Variants in IZUMO2 observed in about 807,000 individuals in gnomAD.
IZUMO2 encodes IZUMO family member 2.
A neutral mutation model predicts 31.2 loss-of-function variants in IZUMO2; 24 were observed. The observed-to-expected ratio is 0.77, with a 90% CI of 0.56 to 1.08. The LOEUF (loss-of-function observed/expected upper bound fraction) is 1.08. IZUMO2 is among the 50% of genes least tolerant of loss of function. IZUMO2 has a pLI of 0.00. For missense variants in IZUMO2, 278 were observed against 274.0 expected (o/e 1.01, Z -0.10); for synonymous variants, 144 against 117.3 (o/e 1.23, Z -1.47).
rs570421316 is a variant in IZUMO2 at position 50,154,574 on chromosome 19, C to T, written c.623+26G>A. 3 of 1,612,930 alleles carry T rather than the reference C, an allele frequency of 1.9e-6. No individual in the cohort carries two copies. In the African/African-American group the frequency reaches 4.0e-5, roughly 22 times the overall value. ...GGGGCCCAGTGGGTTCCACGGGGGA[C>T]TGAGGAGGGGGCAAGGATGACTCAC... On this transcript the variant is annotated intron_variant, in intron 6 of 6. Coordinates refer to ENST00000293405, the MANE Select transcript of IZUMO2 (RefSeq NM_152358.3).
chr19:50,160,411 G>A (rs1299734370), intron 2 of IZUMO2: 2 of 151,758 alleles, frequency 1.3e-5, no homozygotes, highest in African/African-American at 2.4e-5. Flanking sequence ...TATATATTGG[G>A]TTAACTAAAA....
At chr19:50,162,146 G>T (rs1348341940) in intron 2 of IZUMO2, among the ~76,000 whole-genome samples, 2 of 152,116 alleles carry the variant, frequency 1.3e-5, no homozygotes, top group African/African-American at 4.8e-5. Context: ...AGCCGGGCAT[G>T]GTGGTGGGTG....
intron 5 of IZUMO2, among the ~76,000 whole-genome samples, chr19:50,155,233 T>C (rs2030173894): frequency 6.6e-6 from 1 of 151,952 alleles, no homozygotes; most frequent in African/African-American, 2.4e-5. Context: ...ATCCTATCTC[T>C]ACAAAAAAGA....
chr19:50,157,342 A>C (rs2030245687), intron 5 of IZUMO2, among the ~76,000 whole-genome samples: 1 of 144,454 alleles, frequency 6.9e-6, no homozygotes, highest in Admixed American at 7.1e-5. Flanking sequence ...TCGCATTGTC[A>C]CCCAAGCTGG....
intron 2 of IZUMO2, among the ~76,000 whole-genome samples, chr19:50,162,238 G>T (rs2123066407): frequency 6.6e-6 from 1 of 152,232 alleles, no homozygotes; most frequent in African/African-American, 2.4e-5. Flanking sequence ...AGCAGAGATT[G>T]TGGCACTGCA....
intron 3 of IZUMO2, 121 bp from the exon 4 acceptor site, chr19:50,159,371 G>T: frequency 7.9e-7 from 1 of 1,268,708 alleles, no homozygotes. Flanking sequence ...GAAGATTGGG[G>T]AGAGATGAAG....
intron 5 of IZUMO2, among the ~76,000 whole-genome samples, chr19:50,157,012 T>C (rs1281763462): frequency 6.6e-6 from 1 of 152,184 alleles, no homozygotes; most frequent in Non-Finnish European, 1.5e-5. Context: ...GTCATTATTT[T>C]TAGAGGTACA....
intron 2 of IZUMO2, chr19:50,160,458 C>G (rs896115679): frequency 1.3e-5 from 2 of 151,448 alleles, no homozygotes; most frequent in Non-Finnish European, 2.9e-5. Context: ...TTTCTATTTA[C>G]CTTTTTAAAA....
At chr19:50,153,793 G>C (rs2030107095) in intron 6 of IZUMO2, 1 of 149,466 alleles carries the variant, frequency 6.7e-6, no homozygotes, top group Admixed American at 6.7e-5. Flanking sequence ...TTGGGCCACA[G>C]AGCGAGACTC....
At chr19:50,153,271 G>C (rs1237863633) in intron 6 of IZUMO2, among the ~76,000 whole-genome samples, 4 of 152,174 alleles carry the variant, frequency 2.6e-5, no homozygotes, top group African/African-American at 9.7e-5. Context: ...CACTCTCAGA[G>C]GCTCTGGAAG....
At chr19:50,158,033 C>T (rs2030272483) in intron 5 of IZUMO2, among the ~76,000 whole-genome samples, 1 of 152,134 alleles carries the variant, frequency 6.6e-6, no homozygotes, top group Non-Finnish European at 1.5e-5. Context: ...TTTTCTAGCA[C>T]CTGCCATTCT....
intron 2 of IZUMO2, chr19:50,160,645 A>T (rs2030367497): frequency 6.6e-6 from 1 of 151,918 alleles, no homozygotes; most frequent in Admixed American, 6.6e-5. Context: ...ACACCTGGCT[A>T]ATTTTTGTAT....
chr19:50,156,865 T>C (rs1410614882), intron 5 of IZUMO2, among the ~76,000 whole-genome samples: 2 of 152,160 alleles, frequency 1.3e-5, no homozygotes, highest in African/African-American at 4.8e-5. Context: ...TGAACACTGG[T>C]TTGAACAAAT....
At chr19:50,156,615 C>G (rs2030219863) in intron 5 of IZUMO2, among the ~76,000 whole-genome samples, 1 of 151,662 alleles carries the variant, frequency 6.6e-6, no homozygotes, top group Non-Finnish European at 1.5e-5. Context: ...AAAAAAAAAC[C>G]CAAAAACTGA....
rs773050708 is a variant in IZUMO2, at chr19:50,154,643, A to C, written c.580T>G (p.Ser194Ala). The part of the protein sequence containing the change: ...RNQALLGILI[S>A]VSLAVFVFVV... ...AAGACAAAGACAGCCAGAGACACAG[A>C]AATGAGGATGCCCAACAGCGCCTGG... The change falls in exon 6 of 7, where the codon TCT (serine) becomes GCT (alanine). Residue 194 changes from serine to alanine, a missense_variant. Physicochemically the swap from Ser to Ala is moderately conservative, Grantham distance 99. Coordinates refer to ENST00000293405, the MANE Select transcript of IZUMO2 (RefSeq NM_152358.3). 6.2e-7 allele frequency: 1 copy of C among 1,614,036 alleles called. No homozygotes were observed.
In IZUMO2 at chr19:50,154,731, G is replaced by T; in HGVS notation, c.497-5C>A. 5.0e-6 allele frequency: 8 copies of T among 1,613,420 alleles called. No individual in the cohort carries two copies. The highest frequency in any genetic ancestry group is 6.8e-6 in the Non-Finnish European group (8 of 1,179,810). On this transcript the variant is annotated splice_region_variant and splice_polypyrimidine_tract_variant and intron_variant, in intron 5 of 6. Coordinates refer to ENST00000293405, the MANE Select transcript of IZUMO2 (RefSeq NM_152358.3). ...CCACGCGGGGTTGCCGGTCGACTGGGGCGGGTGGGGAAACAGCCCCGACCT... is the reference window on the plus strand; with the variant it reads ...CCACGCGGGGTTGCCGGTCGACTGGTGCGGGTGGGGAAACAGCCCCGACCT...
intron 5 of IZUMO2, among the ~76,000 whole-genome samples, chr19:50,157,614 A>G (rs1462775692): frequency 2.0e-5 from 3 of 146,846 alleles, no homozygotes; most frequent in Non-Finnish European, 4.5e-5. Flanking sequence ...TCGTTGTACT[A>G]TTCTTTCTGC....
rs1175215919 is a variant in IZUMO2, at chr19:50,154,289, T to G, written c.623+311A>C. ...GTTTTTTTTTTTTTTTTTTTTTTTT[T>G]TTTTTTTTAATGTAAGAAGAGGCCC... On this transcript the variant is annotated intron_variant, in intron 6 of 6. Coordinates refer to ENST00000293405, the MANE Select transcript of IZUMO2 (RefSeq NM_152358.3). Among the ~76,000 whole-genome samples, 658 of 142,022 alleles carry G rather than the reference T, an allele frequency of 4.6e-3. 27 individuals carry two copies. The highest frequency in any genetic ancestry group is 0.016 in the African/African-American group (624 of 37,970). The allele number at this position is 142,022 out of a possible 152,430, so 93.2% of individuals were successfully genotyped here.
intron 5 of IZUMO2, among the ~76,000 whole-genome samples, chr19:50,156,667 G>A (rs1400976144): frequency 2.6e-5 from 4 of 151,772 alleles, no homozygotes; most frequent in African/African-American, 4.8e-5. Flanking sequence ...ACTCATGCCT[G>A]TAATCCCAGC....
Sources: allele counts gnomAD v4.1 joint callset (sites outside exome capture counted in the v4.1 genomes callset), GRCh38; gene constraint gnomAD v4.1.1; transcripts MANE v1.5; gene names NCBI Gene and HGNC (gene_info 2026-07-23, HGNC 2026-07-21).